Variants in EDRF1 observed in about 807,000 individuals in gnomAD.
EDRF1 encodes erythroid differentiation-related factor 1.
Under a neutral mutation model 148.7 loss-of-function variants are expected in EDRF1, and 69 were observed. The observed-to-expected ratio is 0.46, with a 90% CI of 0.38 to 0.57. The LOEUF (loss-of-function observed/expected upper bound fraction) is 0.57, where lower values mean the gene tolerates loss of function less well. Ranked by LOEUF, EDRF1 falls within the 20% of genes least tolerant of loss-of-function variation. EDRF1 has a pLI of 0.00. For missense variants in EDRF1, 1,118 were observed against 1,478.7 expected (o/e 0.76, Z 4.00); for synonymous variants, 515 against 532.8 (o/e 0.97, Z 0.46).
chr10:125,747,750 C>T, intron 20 of EDRF1, 56 bp downstream of exon 20: 1 of 1,611,290 alleles, frequency 6.2e-7, no homozygotes. Flanking sequence ...CCTTGTTTAA[C>T]AAATATTTAG....
chr10:125,733,275 G>A lies in EDRF1; in HGVS notation c.1129-129G>A, dbSNP rs184677000. The A allele has an allele frequency of 7.0e-6, 5 of 713,968 alleles. No individual in the cohort carries two copies. The Admixed American group carries it at 1.5e-4, about 21-fold the overall frequency. The allele number at this position is 713,968 out of a possible 1,614,324, so 44.2% of individuals were successfully genotyped here. A position where few individuals can be genotyped will look rare whatever the true frequency, so the allele number is the denominator to read the frequency against. On this transcript the variant is annotated intron_variant, in intron 9 of 24. Coordinates refer to ENST00000356792, the MANE Select transcript of EDRF1 (RefSeq NM_001202438.2). ...GCAGAAAAAAGATTAAAAACCACTG[G>A]TTTAAACACTTTCATGCTACATAGG...
chr10:125,744,593 G>C (rs1849237731), intron 18 of EDRF1: 1 of 152,400 alleles, frequency 6.6e-6, no homozygotes, highest in Non-Finnish European at 1.5e-5. Flanking sequence ...GCATCTGGAG[G>C]GGGCAGTCAG....
At chr10:125,739,011 G>A (rs74162853) in intron 15 of EDRF1, among the ~76,000 whole-genome samples, 1,937 of 152,196 alleles carry the variant, frequency 0.013, 55 homozygotes, top group African/African-American at 0.044. Flanking sequence ...ATAACATCAT[G>A]AAGAATATAT....
chr10:125,737,879 A>G (rs772829731), intron 13 of EDRF1, 39 bp from the exon 14 acceptor site: 20 of 1,581,446 alleles, frequency 1.3e-5, no homozygotes, highest in Admixed American at 6.7e-5. Context: ...ACCTTAATAC[A>G]TTGGTAGTGT....
In EDRF1 at chr10:125,725,402, TG is replaced by T; in HGVS notation, c.597del (p.Trp199CysfsTer76). On this transcript the variant is annotated frameshift_variant, in exon 5 of 25. Transcript: ENST00000356792. LOFTEE classifies it high-confidence loss of function. ...WQRKKKSKEHWYQKAILSKFL... is the reference protein window; with the variant it reads ...WQRKKKSKEHXYQKAILSKFL... ...GAGGAAGAAAAAGAGCAAAGAGCAC[TG>T]GTATCAAAAGGCAATTCTTTCCAAG... 6.2e-7 allele frequency: 1 copy of T among 1,614,084 alleles called. No homozygotes were observed. The highest frequency in any genetic ancestry group is 8.5e-7 in the Non-Finnish European group (1 of 1,179,972).
intron 2 of EDRF1, among the ~76,000 whole-genome samples, chr10:125,722,050 T>C (rs1360878516): frequency 1.3e-5 from 2 of 151,230 alleles, no homozygotes; most frequent in African/African-American, 4.8e-5. Context: ...ACAAATACAC[T>C]AATACTTTAT....
At chr10:125,747,459 A>C in intron 19 of EDRF1, 77 bp from the exon 20 acceptor site, 2 of 1,464,374 alleles carry the variant, frequency 1.4e-6, no homozygotes, top group Non-Finnish European at 9.6e-7. Context: ...GGTAGTTGTG[A>C]AGTGTGTTTT....
Position 125,733,740 on chromosome 10 carries a change from A to T in EDRF1, c.1382A>T (p.Tyr461Phe). 1 of 1,610,146 alleles carries T rather than the reference A, an allele frequency of 6.2e-7. No homozygotes were observed. The highest frequency in any genetic ancestry group is 8.5e-7 in the Non-Finnish European group (1 of 1,176,486). The change falls in exon 11 of 25, where the codon TAC becomes TTC. Residue 461 changes from tyrosine (Y) to phenylalanine (F), a missense_variant. Tyr to Phe is a conservative substitution (Grantham distance 22). Coordinates refer to ENST00000356792, the MANE Select transcript of EDRF1 (RefSeq NM_001202438.2). Reference protein sequence around the residue: ...PFTMPVAILLYKVACNMMMKK... With the variant: ...PFTMPVAILLFKVACNMMMKK... ...ACAATGCCGGTAGCCATTCTCTTGTACAAGTGAGTGCTTTAAGAATTTAAG... is the reference window on the plus strand; with the variant it reads ...ACAATGCCGGTAGCCATTCTCTTGTTCAAGTGAGTGCTTTAAGAATTTAAG...
rs371500256 is a variant in EDRF1, at chr10:125,740,689, G to A, written c.2170+38G>A. On this transcript the variant is annotated intron_variant, in intron 16 of 24. Coordinates refer to ENST00000356792, the MANE Select transcript of EDRF1 (RefSeq NM_001202438.2). ...AAATGAATATGTTTAATAGGCACTG[G>A]GAAGAGAGAACAGAGAAGGCATCTG... The A allele has an allele frequency of 3.8e-6, 6 of 1,593,054 alleles. No homozygotes were observed. In the African/African-American group the frequency reaches 6.7e-5, roughly 18 times the overall value.
At position 125,730,270 on chromosome 10, in the gene EDRF1, A is replaced by G; in HGVS notation, c.1017-18A>G. On this transcript the variant is annotated intron_variant, in intron 8 of 24. Transcript: ENST00000356792. ...CATCTTAATTAAACCAAATAACACTAGAAATGTATATTTTTAGGGATAACA... is the reference window on the plus strand; with the variant it reads ...CATCTTAATTAAACCAAATAACACTGGAAATGTATATTTTTAGGGATAACA... 1.9e-6 allele frequency: 3 copies of G among 1,563,270 alleles called. No homozygotes were observed. The highest frequency in any genetic ancestry group is 1.1e-5 in the South Asian group (1 of 90,036).
Position 125,730,274 on chromosome 10 carries a change from A to G in EDRF1, c.1017-14A>G, listed in dbSNP as rs1455558143. On this transcript the variant is annotated splice_polypyrimidine_tract_variant and intron_variant, in intron 8 of 24. Coordinates refer to ENST00000356792, the MANE Select transcript of EDRF1 (RefSeq NM_001202438.2). Reference sequence around the variant, plus strand: ...TTAATTAAACCAAATAACACTAGAAATGTATATTTTTAGGGATAACAACAA... The same window carrying G: ...TTAATTAAACCAAATAACACTAGAAGTGTATATTTTTAGGGATAACAACAA... 1 of 1,579,432 alleles carries G rather than the reference A, an allele frequency of 6.3e-7. No homozygotes were observed. The highest frequency in any genetic ancestry group is 8.7e-7 in the Non-Finnish European group (1 of 1,148,488).
At chr10:125,744,313 G>A (rs903363658) in intron 18 of EDRF1, among the ~76,000 whole-genome samples, 3 of 151,846 alleles carry the variant, frequency 2.0e-5, no homozygotes, top group African/African-American at 7.3e-5. Context: ...CGAACTCCTG[G>A]GCTCAAGCAA....
chr10:125,731,977 CCT>C (rs1389932480), intron 9 of EDRF1: 3 of 413,814 alleles, frequency 7.2e-6, no homozygotes, highest in Non-Finnish European at 1.5e-5. Context: ...AGTCTTTGTG[CCT>C]CTCTCTGGCT....
intron 9 of EDRF1, among the ~76,000 whole-genome samples, chr10:125,730,804 T>G (rs1848451073): frequency 6.6e-6 from 1 of 152,174 alleles, no homozygotes; most frequent in South Asian, 2.1e-4. Context: ...TATAGCAAAT[T>G]CTTATTGAGC....
intron 12 of EDRF1, 146 bp downstream of exon 12, chr10:125,734,329 T>A: frequency 1.4e-6 from 1 of 695,032 alleles, no homozygotes; most frequent in Non-Finnish European, 2.6e-6. Flanking sequence ...GTTGATCACT[T>A]AAAATGTGCT....
intron 13 of EDRF1, 34 bp downstream of exon 13, chr10:125,735,938 A>G (rs1848707083): frequency 4.5e-6 from 7 of 1,547,396 alleles, no homozygotes; most frequent in Non-Finnish European, 5.3e-6. Flanking sequence ...AATTTTTATC[A>G]AGGAAACATA....
chr10:125,746,289 A>C (rs1849351978), intron 19 of EDRF1, among the ~76,000 whole-genome samples: 1 of 152,264 alleles, frequency 6.6e-6, no homozygotes, highest in South Asian at 2.1e-4. Flanking sequence ...AGCATGGCAC[A>C]GTAAGCAGAA....
At chr10:125,735,976 CA>C in intron 13 of EDRF1, 72 bp downstream of exon 13, 1 of 1,322,728 alleles carries the variant, frequency 7.6e-7, no homozygotes, top group South Asian at 1.3e-5. Flanking sequence ...GTTAGCCTTT[CA>C]AAAGATACCA....
chr10:125,730,121 A>G (rs1419546251), intron 8 of EDRF1, among the ~76,000 whole-genome samples, 167 bp from the exon 9 acceptor site: 1 of 152,242 alleles, frequency 6.6e-6, no homozygotes, highest in Non-Finnish European at 1.5e-5. Flanking sequence ...TAAATATAGC[A>G]CAACCACTGA....
Sources: gnomAD v4.1 joint callset for allele counts (sites outside exome capture counted in the v4.1 genomes callset) on GRCh38, gnomAD v4.1.1 for gene constraint, MANE v1.5 for transcripts, NCBI Gene and HGNC (gene_info 2026-07-23, HGNC 2026-07-21) for gene names.